The following OR2T8 variants were observed in gnomAD, a reference collection of about 807,000 sequenced individuals.
OR2T8 encodes olfactory receptor 2T8.
For missense variants in OR2T8, 161 were observed against 389.4 expected, an observed-to-expected ratio of 0.41 and a Z score of 4.94; for synonymous variants, 56 against 154.3, an observed-to-expected ratio of 0.36 and a Z score of 4.72.
At position 247,922,052 on chromosome 1, in the gene OR2T8, G is replaced by A. The variant is rs963271234; in HGVS notation, c.*96G>A. 1.2e-5 allele frequency: 15 copies of A among 1,269,082 alleles called. No homozygotes were observed. In the African/African-American group the frequency reaches 2.1e-4, roughly 18 times the overall value. 78.6% of individuals were successfully genotyped at this position (1,269,082 alleles called of 1,614,324 possible). On this transcript the variant is annotated 3_prime_UTR_variant, in exon 2 of 2. Transcript: ENST00000641945. ...ATACACTTTTATTTCTACATCTGTT[G>A]TCTCTGTGTGTGTGTGTGTTTGTGT...
In OR2T8 at chr1:247,921,851, G is replaced by A; in HGVS notation, c.834G>A (p.Met278Ile). 1 of 1,613,518 alleles carries A rather than the reference G, an allele frequency of 6.2e-7. No individual in the cohort carries two copies. The highest frequency in any genetic ancestry group is 1.1e-5 in the South Asian group (1 of 91,040). ...HDKVVSAFYT[M>I]FTPLLNPLIY... Reference sequence around the variant, plus strand: ...AGGTTGTGTCAGCCTTCTATACTATGTTCACCCCTTTACTAAACCCCCTCA... The same window carrying A: ...AGGTTGTGTCAGCCTTCTATACTATATTCACCCCTTTACTAAACCCCCTCA... Residue 278 changes from methionine (M) to isoleucine (I), a missense_variant, in exon 2 of 2, where the codon ATG becomes ATA. By Grantham distance (10) the Met-to-Ile change is conservative. Transcript: ENST00000641945.
Position 247,921,265 on chromosome 1 carries a change from ACTT to A in OR2T8, c.249_251del (p.Tyr83_Leu84delinsTer). On this transcript the variant is annotated stop_gained and inframe_deletion, in exon 2 of 2. Transcript: ENST00000641945. LOFTEE classifies it low-confidence loss of function (END_TRUNC). ...ACTGTGCCCAAAATGGCGGCTGACT[ACTT>A]GACCGGAAGTAAGGCCATCTCCCGC... is the stretch of plus-strand genomic sequence containing the variant. 4 of 1,585,884 alleles carry A rather than the reference ACTT, an allele frequency of 2.5e-6. No homozygotes were observed. Among genetic ancestry groups the A allele is most frequent in the Non-Finnish European group, 3.4e-6 (4 of 1,169,216 alleles).
chr1:247,921,072 A>G lies in OR2T8; in HGVS notation c.55A>G (p.Thr19Ala). The G allele has an allele frequency of 6.2e-7, 1 of 1,611,190 alleles. No homozygotes were observed. The highest frequency in any genetic ancestry group is 1.7e-5 in the Admixed American group (1 of 59,746). Residue 19 changes from threonine (T) to alanine (A), a missense_variant, in exon 2 of 2, where the codon ACC becomes GCC. Thr to Ala is a moderately conservative substitution (Grantham distance 58). Transcript: ENST00000641945. ...CATTCTCCTAGGACTCTTTAACCACACCAGAGCCCACCAAGTCCTCTTCAT... is the reference window on the plus strand; with the variant it reads ...CATTCTCCTAGGACTCTTTAACCACGCCAGAGCCCACCAAGTCCTCTTCAT... ...YFILLGLFNH[T>A]RAHQVLFMMV...
Position 247,920,275 on chromosome 1 carries a change from A to C in OR2T8, c.-264A>C, listed in dbSNP as rs528703837. ...CTCATTGCAACAAAGTACCTTGTAC[A>C]GTTAATGAAAATGTGTGTTTACCAT... On this transcript the variant is annotated 5_prime_UTR_variant, in exon 1 of 2. Transcript: ENST00000641945. 48 of 152,372 alleles carry C rather than the reference A, an allele frequency of 3.2e-4. No homozygotes were observed. The highest frequency in any genetic ancestry group is 1.1e-3 in the African/African-American group (46 of 41,590). The allele number at this position is 152,372 out of a possible 1,614,324, so 9.4% of individuals were successfully genotyped here.
rs748676726 is a variant in OR2T8, at chr1:247,921,221, C to T, written c.204C>T (p.Asp68=). Residue 68 remains aspartate, a synonymous_variant, in exon 2 of 2, where the codon GAC becomes GAT. Transcript: ENST00000641945. ...TCCTGAGCCAACTTTCCCTCATGGA[C>T]GTGATGCTGGTTTCCACCACTGTGC... ...YFLLSQLSLM[D]VMLVSTTVPK... is the part of the protein sequence containing the mutation. The T allele has an allele frequency of 1.9e-6, 3 of 1,602,140 alleles. No homozygotes were observed. Among genetic ancestry groups the T allele is most frequent in the Non-Finnish European group, 2.5e-6 (3 of 1,177,052 alleles).
In OR2T8 at chr1:247,921,813, A is replaced by G. The variant is rs756963019; in HGVS notation, c.796A>G (p.Thr266Ala). Residue 266 changes from threonine to alanine, a missense_variant, in exon 2 of 2, where the codon ACT (threonine) becomes GCT (alanine). By Grantham distance (58) the Thr-to-Ala change is moderately conservative. Coordinates refer to ENST00000641945, the MANE Select transcript of OR2T8 (RefSeq NM_001005522.2). The stretch of plus-strand genomic sequence containing the variant: ...TATGAGACCCAAATCCCACAGGTCC[A>G]CTAACCACGACAAGGTTGTGTCAGC... ...TYMRPKSHRS[T>A]NHDKVVSAFY... 1 of 1,611,766 alleles carries G rather than the reference A, an allele frequency of 6.2e-7. No individual in the cohort carries two copies. The highest frequency in any genetic ancestry group is 8.5e-7 in the Non-Finnish European group (1 of 1,179,384).
Position 247,920,465 on chromosome 1 carries a change from T to C in OR2T8, c.-74T>C, listed in dbSNP as rs1165829301. On this transcript the variant is annotated 5_prime_UTR_variant, in exon 1 of 2. It removes the in-frame stop codon of an upstream open reading frame in the 5' UTR. Coordinates refer to ENST00000641945, the MANE Select transcript of OR2T8 (RefSeq NM_001005522.2). Reference sequence around the variant, plus strand: ...ACCTGAGAATATAAGTCACCCTCTTTAGAAAGGAAAAAAAGTCTTCTTGGA... The same window carrying C: ...ACCTGAGAATATAAGTCACCCTCTTCAGAAAGGAAAAAAAGTCTTCTTGGA... 1.3e-5 allele frequency: 2 copies of C among 153,688 alleles called. No homozygotes were observed. The highest frequency in any genetic ancestry group is 2.4e-5 in the African/African-American group (1 of 41,430). 9.5% of individuals were successfully genotyped at this position (153,688 alleles called of 1,614,324 possible). A position where few individuals can be genotyped will look rare whatever the true frequency, so the allele number is the denominator to read the frequency against.
rs532884309 is a variant in OR2T8 at position 247,920,966 on chromosome 1, A to G, written c.-20-32A>G. ...ACTCAAATGGAGTACCATAAAGGATAAACACTCTGTCTTCTTTTTCTCCAT... is the reference window on the plus strand; with the variant it reads ...ACTCAAATGGAGTACCATAAAGGATGAACACTCTGTCTTCTTTTTCTCCAT... On this transcript the variant is annotated intron_variant, in intron 1 of 1. Transcript: ENST00000641945. 10 of 1,464,302 alleles carry G rather than the reference A, an allele frequency of 6.8e-6. No homozygotes were observed. In the Admixed American group the frequency reaches 1.7e-4, roughly 25 times the overall value. The allele number at this position is 1,464,302 out of a possible 1,614,324, so 90.7% of individuals were successfully genotyped here. A position where few individuals can be genotyped will look rare whatever the true frequency, so the allele number is the denominator to read the frequency against.
Position 247,921,096 on chromosome 1 carries a change from A to C in OR2T8, c.79A>C (p.Met27Leu), listed in dbSNP as rs149230151. Residue 27 changes from methionine (M) to leucine (L), a missense_variant, in exon 2 of 2, where the codon ATG becomes CTG. Physicochemically the swap from Met to Leu is conservative, Grantham distance 15. Coordinates refer to ENST00000641945, the MANE Select transcript of OR2T8 (RefSeq NM_001005522.2). The part of the protein sequence containing the change: ...NHTRAHQVLF[M>L]MVLSIVLTSL... ...CACCAGAGCCCACCAAGTCCTCTTC[A>C]TGATGGTTCTGAGTATCGTTTTGAC... 7 of 1,610,546 alleles carry C rather than the reference A, an allele frequency of 4.3e-6. 1 individual carries two copies. In the African/African-American group the frequency reaches 6.7e-5, roughly 15 times the overall value.
rs1052309296 is a variant in OR2T8, at chr1:247,922,166, G to A, written c.*210G>A. On this transcript the variant is annotated 3_prime_UTR_variant, in exon 2 of 2. Transcript: ENST00000641945. ...ATCAAATCATGGATTGTTAAAAATC[G>A]GTGAACTCACTAATCCTTAGTAAGA... Among the ~76,000 whole-genome samples the A allele has an allele frequency of 6.6e-5, 10 of 151,922 alleles. No homozygotes were observed. The highest frequency in any genetic ancestry group is 2.1e-4 in the South Asian group (1 of 4,826).
chr1:247,921,011 T>G lies in OR2T8; in HGVS notation c.-7T>G, dbSNP rs1660000853. On this transcript the variant is annotated 5_prime_UTR_variant, in exon 2 of 2. Transcript: ENST00000641945. ...CTCCATTTGCAGTGTCACTCTTATTTGAAATCATGGAAAATGGGAGCTATA... is the reference window on the plus strand; with the variant it reads ...CTCCATTTGCAGTGTCACTCTTATTGGAAATCATGGAAAATGGGAGCTATA... The G allele has an allele frequency of 6.3e-7, 1 of 1,590,690 alleles. No individual in the cohort carries two copies. The highest frequency in any genetic ancestry group is 8.6e-7 in the Non-Finnish European group (1 of 1,165,526).
rs181922500 is a variant in OR2T8, at chr1:247,922,896, T to G, written c.*940T>G. ...GATGTTTTCTTCATTTTAGCAATTC[T>G]TCTGAGTGTAGTAGGAACTCAGTTT... On this transcript the variant is annotated 3_prime_UTR_variant, in exon 2 of 2. Coordinates refer to ENST00000641945, the MANE Select transcript of OR2T8 (RefSeq NM_001005522.2). 6.6e-6 allele frequency among the ~76,000 whole-genome samples: 1 copy of G among 152,366 alleles called. No individual in the cohort carries two copies. Among genetic ancestry groups the G allele is most frequent in the South Asian group, 2.1e-4 (1 of 4,834 alleles).
rs1272616633 is a variant in OR2T8 at position 247,922,064 on chromosome 1, G to A, written c.*108G>A. 1.8e-6 allele frequency: 2 copies of A among 1,125,168 alleles called. No homozygotes were observed. The highest frequency in any genetic ancestry group is 2.5e-6 in the Non-Finnish European group (2 of 793,176). 69.7% of individuals were successfully genotyped at this position (1,125,168 alleles called of 1,614,324 possible). ...TTCTACATCTGTTGTCTCTGTGTGT[G>A]TGTGTGTTTGTGTGTTGCTTTGAAT... On this transcript the variant is annotated 3_prime_UTR_variant, in exon 2 of 2. Coordinates refer to ENST00000641945, the MANE Select transcript of OR2T8 (RefSeq NM_001005522.2).
In OR2T8 at chr1:247,922,414, T is replaced by C. The variant is rs1345176257; in HGVS notation, c.*458T>C. Among the ~76,000 whole-genome samples, 1 of 152,200 alleles carries C rather than the reference T, an allele frequency of 6.6e-6. No individual in the cohort carries two copies. Among genetic ancestry groups the C allele is most frequent in the Non-Finnish European group, 1.5e-5 (1 of 68,030 alleles). On this transcript the variant is annotated 3_prime_UTR_variant, in exon 2 of 2. Transcript: ENST00000641945. Reference sequence around the variant, plus strand: ...CATTTTCACCACCTCAGAAAGGTCCTGCAGGCCCTTTTCCAGTGATACCCC... The same window carrying C: ...CATTTTCACCACCTCAGAAAGGTCCCGCAGGCCCTTTTCCAGTGATACCCC...
At position 247,921,797 on chromosome 1, in the gene OR2T8, C is replaced by A; in HGVS notation, c.780C>A (p.Pro260=). The change falls in exon 2 of 2, where the codon CCC becomes CCA. Residue 260 remains proline, a synonymous_variant. Coordinates refer to ENST00000641945, the MANE Select transcript of OR2T8 (RefSeq NM_001005522.2). ...CTGCCATTTTTACCTATATGAGACCCAAATCCCACAGGTCCACTAACCACG... is the reference window on the plus strand; with the variant it reads ...CTGCCATTTTTACCTATATGAGACCAAAATCCCACAGGTCCACTAACCACG... ...YGAAIFTYMR[P]KSHRSTNHDK... 6.2e-7 allele frequency: 1 copy of A among 1,607,578 alleles called. No individual in the cohort carries two copies. Among genetic ancestry groups the A allele is most frequent in the Non-Finnish European group, 8.5e-7 (1 of 1,177,392 alleles).
chr1:247,921,819 C>T lies in OR2T8; in HGVS notation c.802C>T (p.His268Tyr), dbSNP rs1345313283. The change falls in exon 2 of 2, where the codon CAC becomes TAC. Residue 268 changes from histidine to tyrosine, a missense_variant. Physicochemically the swap from His to Tyr is moderately conservative, Grantham distance 83. Coordinates refer to ENST00000641945, the MANE Select transcript of OR2T8 (RefSeq NM_001005522.2). Reference protein sequence around the residue: ...MRPKSHRSTNHDKVVSAFYTM... With the variant: ...MRPKSHRSTNYDKVVSAFYTM... ...ACCCAAATCCCACAGGTCCACTAACCACGACAAGGTTGTGTCAGCCTTCTA... is the reference window on the plus strand; with the variant it reads ...ACCCAAATCCCACAGGTCCACTAACTACGACAAGGTTGTGTCAGCCTTCTA... 1 of 1,611,946 alleles carries T rather than the reference C, an allele frequency of 6.2e-7. No individual in the cohort carries two copies. The highest frequency in any genetic ancestry group is 1.3e-5 in the African/African-American group (1 of 74,482).
chr1:247,922,883 AT>A lies in OR2T8; in HGVS notation c.*931del, dbSNP rs1660043124. Among the ~76,000 whole-genome samples, 1 of 152,156 alleles carries A rather than the reference AT, an allele frequency of 6.6e-6. No homozygotes were observed. On this transcript the variant is annotated 3_prime_UTR_variant, in exon 2 of 2. Transcript: ENST00000641945. ...TGCTCCAAATGTCGATGTTTTCTTCATTTTAGCAATTCTTCTGAGTGTAGTA... is the reference window on the plus strand; with the variant it reads ...TGCTCCAAATGTCGATGTTTTCTTCATTTAGCAATTCTTCTGAGTGTAGTA...
chr1:247,920,971 CTCTG>C, intron 1 of OR2T8, 23 bp from the exon 2 acceptor site: 1 of 1,479,806 alleles, frequency 6.8e-7, no homozygotes, highest in Non-Finnish European at 9.2e-7. Context: ...AGGATAAACA[CTCTG>C]TCTTCTTTTT....
Position 247,921,916 on chromosome 1 carries a change from C to G in OR2T8, c.899C>G (p.Thr300Arg), listed in dbSNP as rs1030064681. The G allele has an allele frequency of 3.7e-5, 60 of 1,613,848 alleles. No homozygotes were observed. The highest frequency in any genetic ancestry group is 4.8e-5 in the Non-Finnish European group (57 of 1,180,034). The change falls in exon 2 of 2, where the codon ACA becomes AGA. Residue 300 changes from threonine to arginine, a missense_variant. Coordinates refer to ENST00000641945, the MANE Select transcript of OR2T8 (RefSeq NM_001005522.2). ...AACAGTGAGGTGAAGGGAGCCCTGA[C>G]AAGGTGTATGGGTCGGTGTGTGGCC... ...VKNSEVKGAL[T>R]RCMGRCVALS...
Sources: allele counts gnomAD v4.1 joint callset (sites outside exome capture counted in the v4.1 genomes callset), GRCh38; gene constraint gnomAD v4.1.1; transcripts MANE v1.5; gene names NCBI Gene and HGNC (gene_info 2026-07-23, HGNC 2026-07-21).